Variants in AP1G1 observed in about 807,000 individuals in gnomAD.
The protein encoded by AP1G1 is AP-1 complex subunit gamma-1.
In AP1G1, 7 loss-of-function variants were observed where a neutral mutation model predicts 108.3. That is an observed-to-expected ratio of 0.06 (90% CI 0.04 to 0.12). The LOEUF is 0.12. Ranked by LOEUF, AP1G1 falls within the 10% of genes least tolerant of loss-of-function variation. The probability of loss-of-function intolerance (pLI) is 1.00; values close to 1 mark genes in which losing one functional copy is unlikely to be tolerated. For missense variants in AP1G1, 756 were observed against 1,010.7 expected (o/e 0.75, Z 3.42); for synonymous variants, 379 against 353.5 (o/e 1.07, Z -0.81).
At chr16:71,801,922 CA>C (rs901972267) in intron 1 of AP1G1, among the ~76,000 whole-genome samples, 100 of 63,766 alleles carry the variant, frequency 1.6e-3, no homozygotes, top group East Asian at 1.9e-3. Flanking sequence ...ACTCCGTAAC[CA>C]AAAAAAAAAA....
chr16:71,806,685 C>G, intron 1 of AP1G1: 7 of 1,286,604 alleles, frequency 5.4e-6, no homozygotes, highest in Non-Finnish European at 7.1e-6. Context: ...GGCATACTTA[C>G]TAAATGAGTG....
intron 7 of AP1G1, among the ~76,000 whole-genome samples, chr16:71,765,153 C>T (rs2145471528): frequency 6.6e-6 from 1 of 152,242 alleles, no homozygotes; most frequent in African/African-American, 2.4e-5. Flanking sequence ...CCAGCCTAGG[C>T]AACATGGCAA....
At chr16:71,779,065 C>T (rs564052097) in intron 2 of AP1G1, among the ~76,000 whole-genome samples, 3 of 152,272 alleles carry the variant, frequency 2.0e-5, no homozygotes, top group Admixed American at 6.5e-5. Context: ...AAATTCCACA[C>T]AATTAATGGA....
chr16:71,795,965 G>A (rs561150038), intron 1 of AP1G1, among the ~76,000 whole-genome samples: 43 of 152,208 alleles, frequency 2.8e-4, no homozygotes, highest in Non-Finnish European at 4.8e-4. Context: ...GGCCAGGCGT[G>A]GTGGCTCACG....
chr16:71,739,484 G>T, intron 19 of AP1G1, 143 bp from the exon 20 acceptor site: 1 of 615,676 alleles, frequency 1.6e-6, no homozygotes, highest in Non-Finnish European at 2.7e-6. Flanking sequence ...CAAAGAGAAA[G>T]AACTAAAAAC....
intron 6 of AP1G1, 34 bp downstream of exon 6, chr16:71,769,589 C>A: frequency 1.3e-6 from 2 of 1,569,354 alleles, no homozygotes; most frequent in South Asian, 2.2e-5. Flanking sequence ...ATTTTTCAAT[C>A]AAGAAAGGCT....
intron 4 of AP1G1, 67 bp downstream of exon 4, chr16:71,773,154 G>C (rs2031642058): frequency 9.0e-6 from 14 of 1,550,266 alleles, no homozygotes; most frequent in Admixed American, 5.2e-5. Flanking sequence ...TCAAAAATGA[G>C]TAATCTGCCT....
At chr16:71,740,350 CT>C (rs757280312) in intron 19 of AP1G1, among the ~76,000 whole-genome samples, 8 of 152,158 alleles carry the variant, frequency 5.3e-5, no homozygotes, top group Non-Finnish European at 1.0e-4. Context: ...CTGCCAACCC[CT>C]GGAGGGCAAA....
intron 2 of AP1G1, among the ~76,000 whole-genome samples, chr16:71,779,003 C>G (rs2031899297): frequency 6.6e-6 from 1 of 152,198 alleles, no homozygotes; most frequent in South Asian, 2.1e-4. Context: ...CTAACCACAA[C>G]TCTAGCAGAC....
At chr16:71,750,667 C>A (rs553543621) in intron 13 of AP1G1, among the ~76,000 whole-genome samples, 1 of 151,680 alleles carries the variant, frequency 6.6e-6, no homozygotes, top group Non-Finnish European at 1.5e-5. Flanking sequence ...CCACCTGCCT[C>A]GGCCTCTCAA....
At chr16:71,771,100 C>A in intron 5 of AP1G1, 56 bp downstream of exon 5, 3 of 1,145,080 alleles carry the variant, frequency 2.6e-6, no homozygotes, top group Non-Finnish European at 3.9e-6. Flanking sequence ...AGCCTTAAGC[C>A]TTTTCTCTTT....
chr16:71,800,286 G>C (rs1369184335), intron 1 of AP1G1, among the ~76,000 whole-genome samples: 2 of 149,648 alleles, frequency 1.3e-5, no homozygotes, highest in Non-Finnish European at 3.0e-5. Context: ...CAGGAGAATG[G>C]CGTGAACCCA....
At chr16:71,780,995 T>G (rs1165080179) in intron 2 of AP1G1, among the ~76,000 whole-genome samples, 2 of 152,122 alleles carry the variant, frequency 1.3e-5, no homozygotes, top group African/African-American at 4.8e-5. Context: ...AACTTTTTAC[T>G]TTTGTAGAGA....
At position 71,745,529 on chromosome 16, in the gene AP1G1, C is replaced by G; in HGVS notation, c.1816G>C (p.Glu606Gln). The G allele has an allele frequency of 6.2e-7, 1 of 1,614,180 alleles. No homozygotes were observed. Among genetic ancestry groups the G allele is most frequent in the Non-Finnish European group, 8.5e-7 (1 of 1,180,036 alleles). The change falls in exon 18 of 23, where the codon GAA becomes CAA. Residue 606 changes from glutamate to glutamine, a missense_variant. Coordinates refer to ENST00000299980, the MANE Select transcript of AP1G1 (RefSeq NM_001128.6). Reference protein sequence around the residue: ...TEIVQTNGETEPAPLETKPPP... With the variant: ...TEIVQTNGETQPAPLETKPPP... Reference sequence around the variant, plus strand: ...GGTTTGGTCTCTAGTGGAGCTGGTTCTGTCTCTCCATTTGTCTGCACAATC... The same window carrying G: ...GGTTTGGTCTCTAGTGGAGCTGGTTGTGTCTCTCCATTTGTCTGCACAATC...
chr16:71,786,583 C>A (rs1049452428), intron 2 of AP1G1, among the ~76,000 whole-genome samples: 2 of 152,120 alleles, frequency 1.3e-5, no homozygotes, highest in African/African-American at 4.8e-5. Flanking sequence ...GCTTCAGCCT[C>A]CTGAGTAGCT....
intron 19 of AP1G1, among the ~76,000 whole-genome samples, chr16:71,741,221 A>G (rs982064225): frequency 6.6e-6 from 1 of 152,236 alleles, no homozygotes; most frequent in African/African-American, 2.4e-5. Context: ...GAAGGCTAGA[A>G]TATCATCTTT....
At chr16:71,782,798 T>C (rs1341418766) in intron 2 of AP1G1, among the ~76,000 whole-genome samples, 2 of 152,148 alleles carry the variant, frequency 1.3e-5, no homozygotes, top group African/African-American at 2.4e-5. Context: ...TTATTATTCT[T>C]ATTAATACTC....
intron 11 of AP1G1, among the ~76,000 whole-genome samples, chr16:71,758,034 T>C (rs1041847715): frequency 6.6e-6 from 1 of 152,346 alleles, no homozygotes. Flanking sequence ...GTTGGTGTTA[T>C]TAAGTTTAGG....
intron 10 of AP1G1, among the ~76,000 whole-genome samples, chr16:71,760,781 T>C (rs1398070430): frequency 6.6e-6 from 1 of 152,138 alleles, no homozygotes; most frequent in Admixed American, 6.6e-5. Context: ...ACTCCTGGGA[T>C]CATGATCTAC....
Sources: gnomAD v4.1 joint callset for allele counts (sites outside exome capture counted in the v4.1 genomes callset) on GRCh38, gnomAD v4.1.1 for gene constraint, MANE v1.5 for transcripts, NCBI Gene and HGNC (gene_info 2026-07-23, HGNC 2026-07-21) for gene names.